Variants in ANK2 observed in about 807,000 individuals in gnomAD.
ANK2 encodes ankyrin 2.
In ANK2, 83 loss-of-function variants were observed where a neutral mutation model predicts 360.5. The ratio of observed to expected loss-of-function variants is 0.23; its 90% CI spans 0.19 to 0.28. ANK2 has a LOEUF of 0.28. ANK2 is among the 10% of genes least tolerant of loss of function. The pLI, the probability that ANK2 is intolerant of heterozygous loss-of-function variation, is 1.00. For missense variants in ANK2, 4,201 were observed against 4,795.7 expected (o/e 0.88, Z 3.66); for synonymous variants, 1,740 against 1,759.5 (o/e 0.99, Z 0.28).
chr4:112,842,426 C>T (rs1023941655), intron 1 of ANK2, among the ~76,000 whole-genome samples: 23 of 152,174 alleles, frequency 1.5e-4, no homozygotes, highest in African/African-American at 5.6e-4. Context: ...AGAGTTATTC[C>T]TTTACCTTAA....
At chr4:113,078,977 T>A (rs185058788) in intron 1 of ANK2, among the ~76,000 whole-genome samples, 3 of 152,324 alleles carry the variant, frequency 2.0e-5, no homozygotes, top group African/African-American at 7.2e-5. Context: ...TTGAAGGCTA[T>A]TTCATTAAAC....
At chr4:112,917,233 A>C (rs1262305706) in intron 2 of ANK2, among the ~76,000 whole-genome samples, 1 of 152,244 alleles carries the variant, frequency 6.6e-6, no homozygotes, top group Non-Finnish European at 1.5e-5. Context: ...AGCTTCTAAC[A>C]GACTCTTTAT....
intron 1 of ANK2, among the ~76,000 whole-genome samples, chr4:113,157,086 T>A (rs1044992398): frequency 7.9e-5 from 12 of 152,268 alleles, no homozygotes; most frequent in African/African-American, 2.4e-4. Flanking sequence ...GTTTTTTTTT[T>A]AATAATCCAT....
At chr4:113,316,719 A>T (rs2083154186) in intron 24 of ANK2, among the ~76,000 whole-genome samples, 1 of 152,240 alleles carries the variant, frequency 6.6e-6, no homozygotes, top group African/African-American at 2.4e-5. Flanking sequence ...TTAAGATACC[A>T]ATCTGTCATT....
At chr4:113,000,345 C>T (rs1219497607) in intron 2 of ANK2, among the ~76,000 whole-genome samples, 1 of 152,146 alleles carries the variant, frequency 6.6e-6, no homozygotes, top group East Asian at 1.9e-4. Context: ...GCTATCTTCA[C>T]AAAGGGAAGT....
intron 4 of ANK2, among the ~76,000 whole-genome samples, chr4:113,217,722 C>A (rs1438316751): frequency 6.6e-6 from 1 of 152,152 alleles, no homozygotes; most frequent in Non-Finnish European, 1.5e-5. Context: ...TCTCCCCCGC[C>A]CCGACTCACC....
intron 2 of ANK2, among the ~76,000 whole-genome samples, chr4:112,906,052 C>G (rs1422963072): frequency 3.3e-5 from 5 of 152,166 alleles, no homozygotes; most frequent in Non-Finnish European, 5.9e-5. Flanking sequence ...CATTTTGCTT[C>G]ATTTGAGACT....
chr4:113,277,888 G>A lies in ANK2; in HGVS notation c.1735G>A (p.Ala579Thr), dbSNP rs780664859. The A allele has an allele frequency of 4.5e-5, 72 of 1,613,956 alleles. No individual in the cohort carries two copies. The highest frequency in any genetic ancestry group is 6.0e-5 in the Non-Finnish European group (71 of 1,179,938). Reference protein sequence around the residue: ...VAAKYGSLDVAKLLLQRRAAA... With the variant: ...VAAKYGSLDVTKLLLQRRAAA... The stretch of plus-strand genomic sequence containing the variant: ...AGCCAAGTATGGAAGCCTGGATGTG[G>A]CAAAACTTCTCTTGCAACGCCGTGC... The change falls in exon 16 of 46, where the codon GCA becomes ACA. Residue 579 changes from alanine (A) to threonine (T), a missense_variant. By Grantham distance (58) the Ala-to-Thr change is moderately conservative. Coordinates refer to ENST00000357077, the MANE Select transcript of ANK2 (RefSeq NM_001148.6).
At chr4:113,305,339 C>CAAA (rs10667489) in intron 23 of ANK2, among the ~76,000 whole-genome samples, 50,772 of 96,680 alleles carry the variant, frequency 0.53, 13,079 homozygotes, top group South Asian at 0.57. Flanking sequence ...GACTCCGTCT[C>CAAA]AAAAAAAAAA....
intron 38 of ANK2, among the ~76,000 whole-genome samples, chr4:113,359,535 C>T (rs928390347): frequency 4.6e-5 from 7 of 152,002 alleles, no homozygotes; most frequent in African/African-American, 1.4e-4. Context: ...ACATAATAAC[C>T]GGGCAACAGT....
rs114520047 is a variant in ANK2 at position 112,939,853 on chromosome 4, T to C, written c.21+35339T>C. On this transcript the variant is annotated intron_variant, in intron 2 of 30. Transcript: ENST00000503271. ...CTATAAGTAGCAACTATACAAATTA[T>C]ACCTATTATTCTAAAGAACAAAATT... 7.3e-3 allele frequency among the ~76,000 whole-genome samples: 1,113 copies of C among 152,316 alleles called. 12 individuals carry two copies. Among genetic ancestry groups the C allele is most frequent in the African/African-American group, 0.024 (1,011 of 41,572 alleles).
chr4:113,174,122 A>G, intron 1 of ANK2: 5 of 345,316 alleles, frequency 1.4e-5, no homozygotes, highest in South Asian at 9.8e-5. Flanking sequence ...TAGCATCAAC[A>G]CGTCTTCAAT....
chr4:112,981,661 T>C (rs1037880035), intron 2 of ANK2, among the ~76,000 whole-genome samples: 3 of 152,198 alleles, frequency 2.0e-5, no homozygotes, highest in Admixed American at 6.5e-5. Context: ...GTTCTGGTAG[T>C]GGAGTATTGC....
intron 1 of ANK2, among the ~76,000 whole-genome samples, chr4:112,854,553 G>T (rs1304890594): frequency 6.6e-6 from 1 of 152,092 alleles, no homozygotes; most frequent in East Asian, 1.9e-4. Flanking sequence ...AGAGATGAGG[G>T]CTGGTACTGT....
At chr4:113,040,906 C>T (rs980582081) in intron 2 of ANK2, among the ~76,000 whole-genome samples, 1 of 152,030 alleles carries the variant, frequency 6.6e-6, no homozygotes, top group Non-Finnish European at 1.5e-5. Context: ...TTTGAGAGCC[C>T]TTCCCCATGT....
At chr4:112,975,243 C>G (rs545939991) in intron 2 of ANK2, among the ~76,000 whole-genome samples, 1 of 152,244 alleles carries the variant, frequency 6.6e-6, no homozygotes, top group Admixed American at 6.5e-5. Context: ...GTTGATGTTT[C>G]TGTTCACTTA....
chr4:112,832,031 C>A (rs2059885873), intron 1 of ANK2, among the ~76,000 whole-genome samples: 2 of 152,190 alleles, frequency 1.3e-5, no homozygotes, highest in African/African-American at 4.8e-5. Flanking sequence ...TGGCTTCATT[C>A]TTGAAGTCAG....
At chr4:113,240,363 A>G (rs926481524) in intron 7 of ANK2, 122 bp from the exon 8 acceptor site, 2 of 741,098 alleles carry the variant, frequency 2.7e-6, no homozygotes, top group African/African-American at 3.5e-5. Context: ...GATCTTACTA[A>G]AGCATTTATT....
At chr4:112,983,378 T>TA (rs55756054) in intron 2 of ANK2, among the ~76,000 whole-genome samples, 36,080 of 143,278 alleles carry the variant, frequency 0.25, 4,557 homozygotes, top group East Asian at 0.44. Context: ...ATTATTGGGT[T>TA]AAAAAAAAAA....
Sources: gnomAD v4.1 joint callset for allele counts (sites outside exome capture counted in the v4.1 genomes callset) on GRCh38, gnomAD v4.1.1 for gene constraint, MANE v1.5 for transcripts, NCBI Gene and HGNC (gene_info 2026-07-23, HGNC 2026-07-21) for gene names.